The following DNAH7 variants were observed in gnomAD, a reference collection of about 807,000 sequenced individuals.
The protein encoded by DNAH7 is dynein axonemal heavy chain 7.
Under a neutral mutation model 444.6 loss-of-function variants are expected in DNAH7, and 397 were observed. The observed-to-expected ratio is 0.89, with a 90% confidence interval of 0.82 to 0.97. The LOEUF (loss-of-function observed/expected upper bound fraction) is 0.97. DNAH7 is among the 50% of genes least tolerant of loss of function. The pLI, the probability that DNAH7 is intolerant of heterozygous loss-of-function variation, is 0.00. For missense variants in DNAH7, 4,902 were observed against 4,800.8 expected (o/e 1.02, Z -0.62); for synonymous variants, 1,636 against 1,624.4 (o/e 1.01, Z -0.17).
intron 63 of DNAH7, among the ~76,000 whole-genome samples, chr2:195,751,705 A>G (rs560535836): frequency 2.7e-3 from 406 of 152,280 alleles, no homozygotes; most frequent in Non-Finnish European, 4.1e-3. Context: ...GGTTAGCGTG[A>G]CCTGAGCATA....
chr2:195,994,760 A>T (rs1693582512), intron 12 of DNAH7: 1 of 469,840 alleles, frequency 2.1e-6, no homozygotes. Flanking sequence ...ACATAAGCTA[A>T]CCTTTGATTC....
chr2:195,913,915 C>T (rs1370575553), intron 24 of DNAH7, among the ~76,000 whole-genome samples: 1 of 152,150 alleles, frequency 6.6e-6, no homozygotes, highest in Admixed American at 6.5e-5. Flanking sequence ...GGGGTTTCAC[C>T]ATGTTGGCCA....
intron 35 of DNAH7, 71 bp from the exon 36 acceptor site, chr2:195,882,063 T>C (rs1701417721): frequency 7.6e-7 from 1 of 1,319,068 alleles, no homozygotes; most frequent in Admixed American, 2.2e-5. Context: ...CCTGTGCCAT[T>C]GTAGAAAAGA....
intron 19 of DNAH7, among the ~76,000 whole-genome samples, chr2:195,942,417 GAGGAAGA>G (rs1431583121): frequency 5.3e-5 from 8 of 151,314 alleles, no homozygotes; most frequent in African/African-American, 1.7e-4. Context: ...AGAGGAGGAA[GAGGAAGA>G]AGGAAGAAGA....
At chr2:196,027,524 T>C (rs1483825441) in intron 6 of DNAH7, among the ~76,000 whole-genome samples, 1 of 152,088 alleles carries the variant, frequency 6.6e-6, no homozygotes, top group East Asian at 1.9e-4. Context: ...AGAAAAAATT[T>C]AAATGTCAAA....
chr2:196,015,205 T>C (rs1176247856), intron 9 of DNAH7, among the ~76,000 whole-genome samples: 1 of 152,220 alleles, frequency 6.6e-6, no homozygotes, highest in Admixed American at 6.5e-5. Context: ...TATCAAATTT[T>C]GTAATTTGTG....
chr2:195,757,838 T>C (rs1694158418), intron 61 of DNAH7, among the ~76,000 whole-genome samples: 1 of 152,160 alleles, frequency 6.6e-6, no homozygotes, highest in African/African-American at 2.4e-5. Context: ...GAGGGCAGTG[T>C]TAAAGATCAT....
chr2:196,056,505 A>G (rs1193312973), intron 2 of DNAH7, among the ~76,000 whole-genome samples: 1 of 152,068 alleles, frequency 6.6e-6, no homozygotes, highest in Non-Finnish European at 1.5e-5. Context: ...CTCTAGGAAG[A>G]GCCCACTCTG....
At chr2:195,893,031 C>T (rs1702108973) in intron 30 of DNAH7, 1 of 151,700 alleles carries the variant, frequency 6.6e-6, no homozygotes, top group Admixed American at 6.6e-5. Context: ...ACTGCAGCCT[C>T]CTGGGCTCAA....
intron 63 of DNAH7, among the ~76,000 whole-genome samples, chr2:195,752,572 C>T (rs1425491171): frequency 2.0e-5 from 3 of 152,062 alleles, no homozygotes; most frequent in Non-Finnish European, 4.4e-5. Context: ...TAAGGTCGGT[C>T]ACTTGGAGTA....
chr2:196,051,133 A>G (rs1697438588), intron 3 of DNAH7, 54 bp downstream of exon 3: 1 of 1,508,712 alleles, frequency 6.6e-7, no homozygotes, highest in Non-Finnish European at 9.2e-7. Context: ...TAGAAAACTA[A>G]TAAACATTTT....
intron 5 of DNAH7, among the ~76,000 whole-genome samples, chr2:196,031,499 T>A (rs1481063156): frequency 6.6e-6 from 1 of 152,248 alleles, no homozygotes; most frequent in Non-Finnish European, 1.5e-5. Context: ...AAATAAGATT[T>A]TTTTTCCTAT....
intron 31 of DNAH7, among the ~76,000 whole-genome samples, chr2:195,890,804 TACCTGACTCATG>T (rs1701971982): frequency 6.6e-6 from 1 of 152,222 alleles, no homozygotes; most frequent in African/African-American, 2.4e-5. Context: ...TATCCATTAT[TACCTGACTCATG>T]AGTCATGCTC....
intron 27 of DNAH7, chr2:195,903,909 G>A (rs1413450356): frequency 6.6e-6 from 1 of 152,100 alleles, no homozygotes; most frequent in Non-Finnish European, 1.5e-5. Flanking sequence ...ACTGGTGCCT[G>A]ACTCATGTCT....
chr2:195,971,272 T>G (rs1275618134), intron 16 of DNAH7, among the ~76,000 whole-genome samples: 1 of 152,210 alleles, frequency 6.6e-6, no homozygotes, highest in Non-Finnish European at 1.5e-5. Context: ...CTCTTCCACC[T>G]GTAAAATGAG....
intron 47 of DNAH7, among the ~76,000 whole-genome samples, chr2:195,839,087 C>A (rs1483736268): frequency 9.9e-5 from 15 of 151,660 alleles, no homozygotes; most frequent in Admixed American, 7.2e-4. Context: ...TCCAAGTGCA[C>A]ATGGAACATT....
In DNAH7 at chr2:195,777,982, G is replaced by A. The variant is rs755373450; in HGVS notation, c.10882C>T (p.Leu3628=). ...ATGTACCGCAGAGCCTCATACGGCA[G>A]TTCCTAAAATAGTGCGTGTCAGTCA... ...LHMFLNQYEE[L]PYEALRYMTG... is the part of the protein sequence containing the mutation. The change falls in exon 59 of 65, where the codon CTG becomes TTG. Residue 3628 remains leucine, a synonymous_variant. Coordinates refer to ENST00000312428, the MANE Select transcript of DNAH7 (RefSeq NM_018897.3). 3 of 1,607,564 alleles carry A rather than the reference G, an allele frequency of 1.9e-6. No individual in the cohort carries two copies. The South Asian group carries it at 3.3e-5, about 18-fold the overall frequency.
Position 195,754,411 on chromosome 2 carries a change from G to A in DNAH7, c.11690C>T (p.Thr3897Ile), listed in dbSNP as rs747213434. 1.4e-5 allele frequency: 22 copies of A among 1,613,904 alleles called. No homozygotes were observed. In the East Asian group the frequency reaches 4.0e-4, roughly 29 times the overall value. Residue 3897 changes from threonine to isoleucine, a missense_variant, in exon 63 of 65, where the codon ACA becomes ATA. Coordinates refer to ENST00000312428, the MANE Select transcript of DNAH7 (RefSeq NM_018897.3). ...GAQQNYARKY[T>I]IPIDLLGFDY... ...AAACCCAAGAAGATCAATAGGAATT[G>A]TGTATTTCCTGGCGTAGTTCTGCTG...
At chr2:195,957,492 A>G (rs1176415410) in intron 18 of DNAH7, 45 bp from the exon 19 acceptor site, 1 of 1,420,366 alleles carries the variant, frequency 7.0e-7, no homozygotes, top group African/African-American at 1.4e-5. Flanking sequence ...CAAACCAAGC[A>G]AATGTTTCAA....
Sources: allele counts gnomAD v4.1 joint callset (sites outside exome capture counted in the v4.1 genomes callset), GRCh38; gene constraint gnomAD v4.1.1; transcripts MANE v1.5; gene names NCBI Gene and HGNC (gene_info 2026-07-23, HGNC 2026-07-21).